Variants in ATAD3B observed in about 807,000 individuals in gnomAD.
The protein encoded by ATAD3B is ATPase family AAA domain containing 3B, also known as ATPase family AAA domain-containing protein 3B.
A neutral mutation model predicts 70.2 loss-of-function variants in ATAD3B; 59 were observed. The ratio of observed to expected loss-of-function variants is 0.84; its 90% CI spans 0.68 to 1.04. The LOEUF (loss-of-function observed/expected upper bound fraction) is 1.04, where lower values mean the gene tolerates loss of function less well. Ranked by LOEUF, ATAD3B falls within the 50% of genes least tolerant of loss-of-function variation. The pLI is 0.00. For synonymous variants in ATAD3B, 423 were observed against 388.6 expected (o/e 1.09, Z -1.04); for missense variants, 961 against 913.4 (o/e 1.05, Z -0.67).
At chr1:1,502,641 A>G (rs899740110), downstream of ATAD3B, among the ~76,000 whole-genome samples, 1 of 149,750 alleles carries the variant, frequency 6.7e-6, no homozygotes, top group Non-Finnish European at 1.5e-5. Context: ...CCTCCCAAGT[A>G]GCTGGGACTA....
In ATAD3B at chr1:1,489,253, A is replaced by AC; in HGVS notation, c.1317dup (p.Met440HisfsTer18). On this transcript the variant is annotated frameshift_variant, in exon 13 of 16. Coordinates refer to ENST00000673477, the MANE Select transcript of ATAD3B (RefSeq NM_031921.6). LOFTEE classifies it high-confidence loss of function. ...GCCACACTGAACGCCTTCCTGTACC[A>AC]CATGGGCCAACACAGCAACAAGTGA... is the stretch of plus-strand genomic sequence containing the variant. The AC allele has an allele frequency of 6.2e-7, 1 of 1,613,588 alleles. No homozygotes were observed. Among genetic ancestry groups the AC allele is most frequent in the East Asian group, 2.2e-5 (1 of 44,878 alleles).
At position 1,486,697 on chromosome 1, in the gene ATAD3B, C is replaced by G. The variant is rs752246226; in HGVS notation, c.1214+29C>G. ...AGACGTCCCCACAGCATGCACCAGGCCCTTGGCTGCGGCCCAGCAGGCTGC... is the reference window on the plus strand; with the variant it reads ...AGACGTCCCCACAGCATGCACCAGGGCCTTGGCTGCGGCCCAGCAGGCTGC... On this transcript the variant is annotated intron_variant, in intron 11 of 15. Transcript: ENST00000673477. 7 of 1,557,454 alleles carry G rather than the reference C, an allele frequency of 4.5e-6. No homozygotes were observed. The African/African-American group carries it at 9.7e-5, about 22-fold the overall frequency.
In ATAD3B at chr1:1,495,474, CTCTT is replaced by C. The variant is rs749923833; in HGVS notation, c.1615-10_1615-7del. 2.5e-6 allele frequency: 4 copies of C among 1,590,996 alleles called. No individual in the cohort carries two copies. The highest frequency in any genetic ancestry group is 1.1e-5 in the South Asian group (1 of 88,778). ...ATAGCGGCCTCCCTCAGCTCCCTCT[CTCTT>C]CACTAGGCCACGGCATATGCCTCCA... is the stretch of plus-strand genomic sequence containing the variant. On this transcript the variant is annotated splice_region_variant and splice_polypyrimidine_tract_variant and intron_variant, in intron 15 of 15. Transcript: ENST00000673477.
Position 1,476,200 on chromosome 1 carries a change from G to T in ATAD3B, c.206-1074G>T, listed in dbSNP as rs34280239. On this transcript the variant is annotated intron_variant, in intron 1 of 15. Coordinates refer to ENST00000673477, the MANE Select transcript of ATAD3B (RefSeq NM_031921.6). The stretch of plus-strand genomic sequence containing the variant: ...ACCAAGGCGCTTCCTGAAATGTGAC[G>T]CTGATGCCCGTCAGCCCAGTTCGTG... 3.8e-4 allele frequency among the ~76,000 whole-genome samples: 56 copies of T among 148,132 alleles called. 2 individuals carry two copies. Among genetic ancestry groups the T allele is most frequent in the Non-Finnish European group, 6.9e-4 (47 of 67,898 alleles).
At chr1:1,502,286 C>G (rs541832564), downstream of ATAD3B, among the ~76,000 whole-genome samples, 2 of 151,664 alleles carry the variant, frequency 1.3e-5, no homozygotes, top group Non-Finnish European at 2.9e-5. Context: ...ATAACCTCGG[C>G]TCACTACAAC....
chr1:1,483,409 G>C lies in ATAD3B; in HGVS notation c.750+795G>C, dbSNP rs149998614. 1.2e-4 allele frequency: 31 copies of C among 258,188 alleles called. No homozygotes were observed. In the East Asian group the frequency reaches 4.3e-3, roughly 36 times the overall value. 16.0% of individuals were successfully genotyped at this position (258,188 alleles called of 1,614,324 possible). A position where few individuals can be genotyped will look rare whatever the true frequency, so the allele number is the denominator to read the frequency against. ...TTGAACCCAGGAGGCGGAAGTTGCA[G>C]TGAGCTGAAACCGCACAATTGCACT... On this transcript the variant is annotated intron_variant, in intron 7 of 15. Coordinates refer to ENST00000673477, the MANE Select transcript of ATAD3B (RefSeq NM_031921.6).
In ATAD3B at chr1:1,488,289, G is replaced by A. The variant is rs552560536; in HGVS notation, c.1266+375G>A. ...ATTATTTTAATACAGGGTGTCTGTC[G>A]CCCAGGCTGGAGTGCAGGGGCGACA... On this transcript the variant is annotated intron_variant, in intron 12 of 15. Transcript: ENST00000673477. 7.9e-5 allele frequency among the ~76,000 whole-genome samples: 12 copies of A among 151,944 alleles called. No individual in the cohort carries two copies. In the East Asian group the frequency reaches 1.2e-3, roughly 15 times the overall value.
At chr1:1,489,396 T>G in intron 13 of ATAD3B, 122 bp downstream of exon 13, 1 of 1,523,582 alleles carries the variant, frequency 6.6e-7, no homozygotes, top group East Asian at 2.3e-5. Context: ...TGTGCCCACC[T>G]CAGATGTCCC....
chr1:1,508,276 C>T, the ATAD3B span, among the ~76,000 whole-genome samples: 2 of 151,504 alleles, frequency 1.3e-5, no homozygotes, highest in African/African-American at 4.9e-5. Flanking sequence ...TGTCTCCCCA[C>T]ACAGTGGCTC....
the ATAD3B span, among the ~76,000 whole-genome samples, chr1:1,502,909 A>AAT: frequency 7.3e-4 from 109 of 149,640 alleles, no homozygotes; most frequent in Middle Eastern, 6.9e-3. Context: ...CATTCAGTCT[A>AAT]ATATATATAT....
At position 1,496,351 on chromosome 1, in the gene ATAD3B, C is replaced by T. The variant is rs936207600; in HGVS notation, c.*534C>T. 16 of 698,220 alleles carry T rather than the reference C, an allele frequency of 2.3e-5. No individual in the cohort carries two copies. Among genetic ancestry groups the T allele is most frequent in the East Asian group, 1.3e-4 (1 of 7,558 alleles). The allele number at this position is 698,220 out of a possible 1,614,324, so 43.3% of individuals were successfully genotyped here. On this transcript the variant is annotated 3_prime_UTR_variant, in exon 16 of 16. Coordinates refer to ENST00000673477, the MANE Select transcript of ATAD3B (RefSeq NM_031921.6). ...AGCGGTGTGCTTCACATCAGCCTCG[C>T]GCCACATCCGAGTTGGGGTCTGAAT...
Position 1,490,601 on chromosome 1 carries a change from G to A in ATAD3B, c.1544G>A (p.Cys515Tyr), listed in dbSNP as rs989484460. The change falls in exon 15 of 16, where the codon TGC becomes TAC. Residue 515 changes from cysteine to tyrosine, a missense_variant. Physicochemically the swap from Cys to Tyr is radical, Grantham distance 194. Coordinates refer to ENST00000673477, the MANE Select transcript of ATAD3B (RefSeq NM_031921.6). ...GCCCAGTTTGACTACGGGAGGAAGT[G>A]CTCGGAGGTCGCTCGGCTGACGGAG... Reference protein sequence around the residue: ...KLAQFDYGRKCSEVARLTEGM... With the variant: ...KLAQFDYGRKYSEVARLTEGM... 7 of 1,609,444 alleles carry A rather than the reference G, an allele frequency of 4.3e-6. No homozygotes were observed. The highest frequency in any genetic ancestry group is 4.0e-5 in the African/African-American group (3 of 74,896).
intron 7 of ATAD3B, chr1:1,484,724 A>T: frequency 1.6e-6 from 1 of 624,654 alleles, no homozygotes; most frequent in Non-Finnish European, 2.5e-6. Context: ...GCCCTGTGAC[A>T]TCCAGCTGGG....
rs371083367 is a variant in ATAD3B, at chr1:1,489,211, T to A, written c.1274T>A (p.Ile425Lys). The change falls in exon 13 of 16, where the codon ATA (isoleucine) becomes AAA (lysine). Residue 425 changes from isoleucine (I) to lysine (K), a missense_variant. Ile to Lys is a moderately radical substitution (Grantham distance 102, BLOSUM62 -3). Transcript: ENST00000673477. ...GGAACCTTCTCTCTGCAGGAGGAGA[T>A]AAGCAAGGACCTCAGAGCCACACTG... ...AFLRKRATEE[I>K]SKDLRATLNA... 1.7e-5 allele frequency: 28 copies of A among 1,613,442 alleles called. No individual in the cohort carries two copies. The East Asian group carries it at 6.2e-4, about 36-fold the overall frequency.
At position 1,485,788 on chromosome 1, in the gene ATAD3B, C is replaced by G. The variant is rs141516682; in HGVS notation, c.913C>G (p.Arg305Gly). The G allele has an allele frequency of 1.2e-6, 2 of 1,613,008 alleles. No homozygotes were observed. Among genetic ancestry groups the G allele is most frequent in the Non-Finnish European group, 8.5e-7 (1 of 1,179,414 alleles). The change falls in exon 9 of 16, where the codon CGG (arginine) becomes GGG (glycine). Residue 305 changes from arginine to glycine, a missense_variant. By Grantham distance (125) the Arg-to-Gly change is moderately radical. This residue lies in a region of ATAD3B where 349 missense variants were observed against 307.5 expected (regional missense o/e 1.14). Coordinates refer to ENST00000673477, the MANE Select transcript of ATAD3B (RefSeq NM_031921.6). ...TCCCCTTCCCCTCCGGCAGGTCAGC[C>G]GGCGGCTCCTCAGTCGACCCCAGGA... ...EALRHPIQVS[R>G]RLLSRPQDVL...
At chr1:1,491,854 C>T (rs1353776771) in intron 15 of ATAD3B, among the ~76,000 whole-genome samples, 1 of 151,870 alleles carries the variant, frequency 6.6e-6, no homozygotes, top group Non-Finnish European at 1.5e-5. Flanking sequence ...CTGTTCCAGG[C>T]CGTCCCCACT....
intron 12 of ATAD3B, 30 bp downstream of exon 12, chr1:1,487,944 C>T (rs1202282608): frequency 1.2e-6 from 2 of 1,612,352 alleles, no homozygotes; most frequent in South Asian, 1.1e-5. Context: ...TGTCTGGCCA[C>T]AGGAGGGTGG....
chr1:1,475,290 C>T (rs1639533767), intron 1 of ATAD3B, among the ~76,000 whole-genome samples: 1 of 151,184 alleles, frequency 6.6e-6, no homozygotes, highest in African/African-American at 2.4e-5. Flanking sequence ...TTGATCCCTT[C>T]TCTCCTTCCT....
At chr1:1,508,303 G>A in the ATAD3B span, among the ~76,000 whole-genome samples, 1 of 151,408 alleles carries the variant, frequency 6.6e-6, no homozygotes, top group Non-Finnish European at 1.5e-5. Context: ...AGGGATGGGC[G>A]CTGGCAGAGG....
Sources: gnomAD v4.1 joint callset for allele counts (sites outside exome capture counted in the v4.1 genomes callset) on GRCh38, gnomAD v4.1.1 for gene constraint, gnomAD v4.1.1 regional missense constraint, MANE v1.5 for transcripts, NCBI Gene and HGNC (gene_info 2026-07-23, HGNC 2026-07-21) for gene names.